MSR1: variants seen among roughly 807,000 people sequenced by gnomAD.
The protein encoded by MSR1 is macrophage scavenger receptor types I and II.
A neutral mutation model predicts 47.2 loss-of-function variants in MSR1; 53 were observed. That is an observed-to-expected ratio of 1.12 (90% CI 0.90 to 1.41). MSR1 has a LOEUF of 1.41. Ranked by LOEUF, MSR1 falls within the 40% of genes most tolerant of loss-of-function variation. The pLI, the probability that MSR1 is intolerant of heterozygous loss-of-function variation, is 0.00. For synonymous variants in MSR1, 239 were observed against 185.6 expected (o/e 1.29, Z -2.34); for missense variants, 786 against 546.9 (o/e 1.44, Z -4.36).
At chr8:16,180,014 G>A (rs1279918843) in intron 1 of MSR1, among the ~76,000 whole-genome samples, 1 of 151,762 alleles carries the variant, frequency 6.6e-6, no homozygotes, top group East Asian at 1.9e-4. Flanking sequence ...TGTCCAGGCT[G>A]ATCTTGAACT....
At chr8:16,132,646 C>A (rs1170333333) in intron 8 of MSR1, among the ~76,000 whole-genome samples, 2 of 152,112 alleles carry the variant, frequency 1.3e-5, no homozygotes, top group Non-Finnish European at 2.9e-5. Flanking sequence ...CACCACCACA[C>A]TGGCTGATTT....
At chr8:16,168,914 G>C (rs1212555962) in intron 3 of MSR1, 44 bp from the exon 4 acceptor site, 36 of 1,556,092 alleles carry the variant, frequency 2.3e-5, no homozygotes, top group African/African-American at 1.4e-4. Context: ...CCTGATCCTT[G>C]AATGCATACA....
At chr8:16,126,690 A>G (rs539815108) in intron 8 of MSR1, among the ~76,000 whole-genome samples, 104 of 152,278 alleles carry the variant, frequency 6.8e-4, no homozygotes, top group African/African-American at 2.5e-3. Flanking sequence ...AAAGCCAGGG[A>G]GACAAGTATT....
At chr8:16,182,722 A>G (rs1563171141) in intron 1 of MSR1, among the ~76,000 whole-genome samples, 1 of 152,144 alleles carries the variant, frequency 6.6e-6, no homozygotes, top group Non-Finnish European at 1.5e-5. Context: ...AATAACAGGC[A>G]TGGAGCTGTC....
At position 16,120,488 on chromosome 8, in the gene MSR1, T is replaced by G. The variant is rs1178168302; in HGVS notation, c.1152A>C (p.Gly384=). 1 of 1,613,768 alleles carries G rather than the reference T, an allele frequency of 6.2e-7. No homozygotes were observed. Among genetic ancestry groups the G allele is most frequent in the Non-Finnish European group, 8.5e-7 (1 of 1,179,914 alleles). ...ICDDRWEVRV[G]QVVCRSLGYP... ...ATCCCAAGCTCCTACAGACGACCTG[T>G]CCAACGCGCACTTCCCAGCGATCGT... The change falls in exon 9 of 10, where the codon GGA becomes GGC. Residue 384 remains glycine (G), a synonymous_variant. Coordinates refer to ENST00000262101, the MANE Select transcript of MSR1 (RefSeq NM_138715.3).
At chr8:16,116,247 A>G (rs993583425) in intron 9 of MSR1, among the ~76,000 whole-genome samples, 1 of 152,192 alleles carries the variant, frequency 6.6e-6, no homozygotes, top group Non-Finnish European at 1.5e-5. Context: ...CTGCCAGGTC[A>G]GTATTATTCT....
intron 9 of MSR1, among the ~76,000 whole-genome samples, chr8:16,114,340 T>A (rs1287617099): frequency 2.0e-5 from 3 of 152,140 alleles, no homozygotes; most frequent in African/African-American, 4.8e-5. Flanking sequence ...CATTTATGTT[T>A]ATATATTACT....
Position 16,154,866 on chromosome 8 carries a change from T to C in MSR1, c.898+198A>G, listed in dbSNP as rs35250849. On this transcript the variant is annotated intron_variant, in intron 6 of 9. Coordinates refer to ENST00000262101, the MANE Select transcript of MSR1 (RefSeq NM_138715.3). ...GTAATGCTTATCATTCAGTGTATTA[T>C]GTGATTAGGCTACTAGAACATTTAC... is the stretch of plus-strand genomic sequence containing the variant. Among the ~76,000 whole-genome samples the C allele has an allele frequency of 1.3e-3, 205 of 152,048 alleles. 4 individuals carry two copies. The East Asian group carries it at 0.014, about 10-fold the overall frequency.
intron 8 of MSR1, among the ~76,000 whole-genome samples, chr8:16,122,128 G>A (rs918454048): frequency 1.3e-5 from 2 of 152,014 alleles, no homozygotes; most frequent in Admixed American, 1.3e-4. Flanking sequence ...TACTGATTTA[G>A]TGTAAGCATG....
At chr8:16,150,128 A>ATATG (rs1176943086) in intron 7 of MSR1, 103 bp downstream of exon 7, 6 of 195,308 alleles carry the variant, frequency 3.1e-5, no homozygotes, top group African/African-American at 1.7e-4. Context: ...GTGTGTGTGT[A>ATATG]TGTGTGTGTG....
chr8:16,165,383 T>A (rs757207756), intron 4 of MSR1, among the ~76,000 whole-genome samples: 3 of 152,132 alleles, frequency 2.0e-5, no homozygotes, highest in Admixed American at 1.3e-4. Flanking sequence ...GGTTAAAGTA[T>A]CCAGTCATTA....
At chr8:16,192,521 CACACAGAGTACACACAT>C (rs758612510) in intron 1 of MSR1, 60 bp downstream of exon 1, 17 of 152,010 alleles carry the variant, frequency 1.1e-4, no homozygotes, top group Non-Finnish European at 2.1e-4. Flanking sequence ...TGCACACACA[CACACAGAGTACACACAT>C]AACAATCAAT....
At chr8:16,161,727 T>C (rs1323135671) in intron 5 of MSR1, among the ~76,000 whole-genome samples, 1 of 152,050 alleles carries the variant, frequency 6.6e-6, no homozygotes, top group Non-Finnish European at 1.5e-5. Context: ...ATAATTTTAC[T>C]AACTATGAGC....
chr8:16,115,290 A>G (rs1799852928), intron 9 of MSR1, among the ~76,000 whole-genome samples: 1 of 152,194 alleles, frequency 6.6e-6, no homozygotes, highest in Non-Finnish European at 1.5e-5. Flanking sequence ...AAAACAATGC[A>G]TGTTTCTCTT....
At chr8:16,185,090 T>C (rs1801956552) in intron 1 of MSR1, among the ~76,000 whole-genome samples, 1 of 152,028 alleles carries the variant, frequency 6.6e-6, no homozygotes, top group African/African-American at 2.4e-5. Context: ...GTTTGCTTTC[T>C]GGGCAATGTT....
chr8:16,155,329 A>G (rs1241316690), intron 5 of MSR1, among the ~76,000 whole-genome samples, 185 bp from the exon 6 acceptor site: 1 of 152,000 alleles, frequency 6.6e-6, no homozygotes, highest in Non-Finnish European at 1.5e-5. Flanking sequence ...AATGCCCTAT[A>G]CTAATGAGGA....
Position 16,175,185 on chromosome 8 carries a change from A to G in MSR1, c.217+2T>C, listed in dbSNP as rs77604865. ...AAATTTCAAAACTCTGGGTTACGTT[A>G]CCTGCCACTATTCCAATGAGAGGGA... On this transcript the variant is annotated splice_donor_variant, in intron 3 of 9. Transcript: ENST00000262101. LOFTEE classifies it high-confidence loss of function. The G allele has an allele frequency of 6.2e-7, 1 of 1,611,598 alleles. No homozygotes were observed. Among genetic ancestry groups the G allele is most frequent in the Non-Finnish European group, 8.5e-7 (1 of 1,178,376 alleles).
At chr8:16,118,817 T>A (rs1799934641) in intron 9 of MSR1, among the ~76,000 whole-genome samples, 2 of 152,034 alleles carry the variant, frequency 1.3e-5, no homozygotes, top group Non-Finnish European at 2.9e-5. Context: ...TTTTTCCTCT[T>A]CTCCAGAAAA....
intron 7 of MSR1, among the ~76,000 whole-genome samples, chr8:16,146,202 T>C (rs1800692398): frequency 6.6e-6 from 1 of 152,054 alleles, no homozygotes; most frequent in African/African-American, 2.4e-5. Flanking sequence ...AATGTGATCA[T>C]CCTCTCTCCT....
Sources: gnomAD v4.1 joint callset for allele counts (sites outside exome capture counted in the v4.1 genomes callset) on GRCh38, gnomAD v4.1.1 for gene constraint, MANE v1.5 for transcripts, NCBI Gene and HGNC (gene_info 2026-07-23, HGNC 2026-07-21) for gene names.